TRHDE: variants seen among roughly 807,000 people sequenced by gnomAD.
The protein encoded by TRHDE is thyrotropin-releasing hormone-degrading ectoenzyme.
Under a neutral mutation model 125.7 loss-of-function variants are expected in TRHDE, and 72 were observed. The ratio of observed to expected loss-of-function variants is 0.57; its 90% CI spans 0.47 to 0.70. The LOEUF (loss-of-function observed/expected upper bound fraction) is 0.70, where lower values mean the gene tolerates loss of function less well. Among genes scored for constraint, TRHDE ranks in the 30% least tolerant of loss-of-function variants. The probability of loss-of-function intolerance (pLI) is 0.00; values close to 1 mark genes in which losing one functional copy is unlikely to be tolerated. For missense variants in TRHDE, 1,110 were observed against 1,327.1 expected, an observed-to-expected ratio of 0.84 and a Z score of 2.54; for synonymous variants, 509 against 509.1, an observed-to-expected ratio of 1.00 and a Z score of 0.00.
At chr12:72,524,708 T>G (rs1340950882) in intron 6 of TRHDE, among the ~76,000 whole-genome samples, 2 of 152,160 alleles carry the variant, frequency 1.3e-5, no homozygotes, top group African/African-American at 4.8e-5. Flanking sequence ...TCCTTGAAGA[T>G]TTCCTCATAT....
At chr12:72,612,342 A>G (rs1279368377) in intron 12 of TRHDE, among the ~76,000 whole-genome samples, 1 of 152,090 alleles carries the variant, frequency 6.6e-6, no homozygotes, top group Non-Finnish European at 1.5e-5. Flanking sequence ...GGATCACATT[A>G]TGTATGTATA....
chr12:72,272,135 A>G, upstream of TRHDE: 1 of 457,548 alleles, frequency 2.2e-6, no homozygotes, highest in South Asian at 1.5e-5. This position sits in a 1 kb window ranked among gnomAD's most constrained non-coding sequence, Gnocchi z 6.7. Context: ...CTGCGAGCAC[A>G]TTCCACCCAG....
rs1879441415 is a variant in TRHDE at position 72,275,243 on chromosome 12, G to A, written c.914+1686G>A. ...ACTCTCAGAAGAAGTTATTGTGTAA[G>A]AGGCTGGGGAAATTGCAATGTGTTG... On this transcript the variant is annotated intron_variant, in intron 1 of 18. Transcript: ENST00000261180. Among the ~76,000 whole-genome samples the A allele has an allele frequency of 3.3e-5, 5 of 152,228 alleles. No individual in the cohort carries two copies. In the South Asian group the frequency reaches 8.3e-4, roughly 25 times the overall value.
chr12:72,360,389 A>G (rs756333856), intron 2 of TRHDE, among the ~76,000 whole-genome samples: 24 of 151,832 alleles, frequency 1.6e-4, no homozygotes, highest in Non-Finnish European at 2.4e-4. Flanking sequence ...AGAAAAAGAT[A>G]AATGATCCAC....
intron 5 of TRHDE, among the ~76,000 whole-genome samples, chr12:72,483,802 C>T (rs915525801): frequency 1.5e-4 from 23 of 151,908 alleles, no homozygotes; most frequent in Non-Finnish European, 2.9e-5. Flanking sequence ...TATTATCTGA[C>T]AAATGTTAAG....
intron 2 of TRHDE, among the ~76,000 whole-genome samples, chr12:72,305,689 G>A (rs1002433418): frequency 3.9e-5 from 6 of 152,132 alleles, no homozygotes; most frequent in Non-Finnish European, 7.4e-5. Flanking sequence ...ATCCCAAGCC[G>A]GCAAGACAAA....
At chr12:72,287,572 G>T (rs1252737071) in intron 2 of TRHDE, among the ~76,000 whole-genome samples, 2 of 134,312 alleles carry the variant, frequency 1.5e-5, no homozygotes, top group African/African-American at 6.2e-5. Context: ...TCATATCTAT[G>T]TATAGACACA....
chr12:72,555,277 G>A (rs1869862821), intron 7 of TRHDE, among the ~76,000 whole-genome samples: 2 of 152,090 alleles, frequency 1.3e-5, no homozygotes, highest in South Asian at 2.1e-4. Flanking sequence ...AGTCAGAATG[G>A]TATACAAACC....
chr12:72,587,073 G>A (rs1871471090), intron 12 of TRHDE, among the ~76,000 whole-genome samples: 1 of 152,148 alleles, frequency 6.6e-6, no homozygotes, highest in African/African-American at 2.4e-5. Context: ...GCTGAGGGCA[G>A]ATCATGAATT....
At chr12:72,546,171 G>T (rs1022397267) in intron 7 of TRHDE, among the ~76,000 whole-genome samples, 3 of 151,648 alleles carry the variant, frequency 2.0e-5, no homozygotes, top group African/African-American at 7.3e-5. Context: ...ATAAATCCAT[G>T]AAATTTACTT....
intron 2 of TRHDE, among the ~76,000 whole-genome samples, chr12:72,171,857 A>G (rs2139335795): frequency 6.6e-6 from 1 of 152,296 alleles, no homozygotes; most frequent in Non-Finnish European, 1.5e-5. Flanking sequence ...CTTGCTCACC[A>G]ATCTTCCAGC....
At chr12:72,477,557 T>C (rs560338544) in intron 5 of TRHDE, among the ~76,000 whole-genome samples, 47 of 152,202 alleles carry the variant, frequency 3.1e-4, no homozygotes, top group Non-Finnish European at 5.9e-4. Context: ...AAGTTGGCTG[T>C]TAGTGACAAC....
At chr12:72,195,043 C>G (rs1210617426) in intron 2 of TRHDE, among the ~76,000 whole-genome samples, 1 of 152,032 alleles carries the variant, frequency 6.6e-6, no homozygotes, top group African/African-American at 2.4e-5. Flanking sequence ...GAAGGGGAAG[C>G]AAACATGTCC....
At chr12:72,250,837 G>GATATAT (rs376713479) in intron 2 of TRHDE, among the ~76,000 whole-genome samples, 26,406 of 117,644 alleles carry the variant, frequency 0.22, 3,464 homozygotes, top group Middle Eastern at 0.31. Context: ...ATGACTTACA[G>GATATAT]ATATATATAT....
chr12:72,300,379 C>T (rs7980100), intron 2 of TRHDE, among the ~76,000 whole-genome samples: 89 of 59,330 alleles, frequency 1.5e-3, no homozygotes, highest in African/African-American at 3.4e-3. Context: ...CACACACACA[C>T]ACACACACAC....
intron 3 of TRHDE, among the ~76,000 whole-genome samples, chr12:72,402,427 C>A (rs1873081777): frequency 6.6e-6 from 1 of 152,190 alleles, no homozygotes; most frequent in Non-Finnish European, 1.5e-5. Flanking sequence ...CTTCTAGGGG[C>A]ATGGTGGCCA....
At chr12:72,464,910 A>G (rs1164498105) in intron 3 of TRHDE, among the ~76,000 whole-genome samples, 1 of 152,186 alleles carries the variant, frequency 6.6e-6, no homozygotes, top group East Asian at 1.9e-4. Context: ...CACATTCACT[A>G]GTATTATATG....
chr12:72,427,780 T>C (rs1422151167), intron 3 of TRHDE, among the ~76,000 whole-genome samples: 1 of 152,186 alleles, frequency 6.6e-6, no homozygotes, highest in Non-Finnish European at 1.5e-5. Context: ...TCTCTTTATG[T>C]GTTCATGCAC....
rs905679094 is a variant in TRHDE at position 72,273,845 on chromosome 12, G to T, written c.914+288G>T. 4 of 380,894 alleles carry T rather than the reference G, an allele frequency of 1.1e-5. No individual in the cohort carries two copies. The highest frequency in any genetic ancestry group is 1.9e-5 in the Non-Finnish European group (4 of 211,290). 23.6% of individuals were successfully genotyped at this position (380,894 alleles called of 1,614,324 possible). A position where few individuals can be genotyped will look rare whatever the true frequency, so the allele number is the denominator to read the frequency against. ...TTCCTGTCAGAGTTCCTTAGCCATC[G>T]AAACGCAGGGCTCTTTTTCTGAAGG... On this transcript the variant is annotated intron_variant, in intron 1 of 18. Transcript: ENST00000261180. The surrounding 1 kb of genome is among the most constrained non-coding windows in gnomAD (Gnocchi z 5.3).
Sources: allele counts gnomAD v4.1 joint callset (sites outside exome capture counted in the v4.1 genomes callset), GRCh38; gene constraint gnomAD v4.1.1; non-coding constraint Gnocchi (gnomAD v3.1); transcripts MANE v1.5; gene names NCBI Gene and HGNC (gene_info 2026-07-23, HGNC 2026-07-21).